MAP3K5: variants seen among roughly 807,000 people sequenced by gnomAD.
The protein encoded by MAP3K5 is ASK-1.
Under a neutral mutation model 158.7 loss-of-function variants are expected in MAP3K5, and 56 were observed. That is an observed-to-expected ratio of 0.35 (90% CI 0.28 to 0.44). MAP3K5 has a LOEUF of 0.44. Among genes scored for constraint, MAP3K5 ranks in the 20% least tolerant of loss-of-function variants. MAP3K5 has a pLI of 1.00. For missense variants in MAP3K5, 1,294 were observed against 1,674.8 expected, an observed-to-expected ratio of 0.77 and a Z score of 3.97; for synonymous variants, 579 against 601.7, an observed-to-expected ratio of 0.96 and a Z score of 0.55.
At chr6:136,588,945 G>A (rs117854182) in intron 23 of MAP3K5, among the ~76,000 whole-genome samples, 31 of 152,342 alleles carry the variant, frequency 2.0e-4, no homozygotes, top group Non-Finnish European at 3.1e-4. Context: ...GTTTTTGAGA[G>A]TGTGTAGAAA....
rs1250009415 is a variant in MAP3K5, at chr6:136,601,894, T to C, written c.2765A>G (p.Asp922Gly). 6.2e-7 allele frequency: 1 copy of C among 1,614,184 alleles called. No individual in the cohort carries two copies. Among genetic ancestry groups the C allele is most frequent in the East Asian group, 2.2e-5 (1 of 44,880 alleles). Reference protein sequence around the residue: ...KAFILKCFEPDPDKRACANDL... With the variant: ...KAFILKCFEPGPDKRACANDL... ...GTTAGCACAGGCTCTCTTGTCAGGATCTGGTTCAAAACATTTCAGTATGAA... is the reference window on the plus strand; with the variant it reads ...GTTAGCACAGGCTCTCTTGTCAGGACCTGGTTCAAAACATTTCAGTATGAA... Residue 922 changes from aspartate (D) to glycine (G), a missense_variant, in exon 20 of 30, where the codon GAT becomes GGT. Around this residue, in one of 5 missense-constraint regions of MAP3K5, gnomAD observed 362 missense variants for 463.2 expected, o/e 0.78. Transcript: ENST00000359015.
intron 18 of MAP3K5, among the ~76,000 whole-genome samples, chr6:136,606,560 G>A (rs114498763): frequency 1.2e-4 from 19 of 152,178 alleles, no homozygotes; most frequent in African/African-American, 4.3e-4. Context: ...TTTGAACTTC[G>A]AATACCCCAT....
At chr6:136,741,238 C>G (rs1200129796) in intron 1 of MAP3K5, among the ~76,000 whole-genome samples, 1 of 152,120 alleles carries the variant, frequency 6.6e-6, no homozygotes, top group Non-Finnish European at 1.5e-5. Context: ...CTGTTATTAG[C>G]TAGCACACGG....
chr6:136,698,370 T>TA (rs1780695859), intron 4 of MAP3K5, 119 bp downstream of exon 4: 3 of 739,102 alleles, frequency 4.1e-6, no homozygotes, highest in Admixed American at 3.0e-5. Flanking sequence ...AATAAACATT[T>TA]TCCCCCTAGT....
chr6:136,696,726 G>A (rs947015109), intron 5 of MAP3K5, among the ~76,000 whole-genome samples: 1 of 152,142 alleles, frequency 6.6e-6, no homozygotes, highest in Non-Finnish European at 1.5e-5. Context: ...TAACCTGTTA[G>A]TGTGTTTTAC....
intron 8 of MAP3K5, among the ~76,000 whole-genome samples, chr6:136,663,271 A>T (rs1779085111): frequency 6.6e-6 from 1 of 152,242 alleles, no homozygotes. Flanking sequence ...ATACATCAAA[A>T]TAAAACTACA....
At chr6:136,776,583 G>A (rs1784411769) in intron 1 of MAP3K5, among the ~76,000 whole-genome samples, 1 of 152,082 alleles carries the variant, frequency 6.6e-6, no homozygotes, top group Admixed American at 6.5e-5. Flanking sequence ...TTCACAAATG[G>A]GCACCAAATG....
intron 1 of MAP3K5, among the ~76,000 whole-genome samples, chr6:136,764,403 A>G (rs1014432364): frequency 1.3e-5 from 2 of 152,182 alleles, no homozygotes; most frequent in African/African-American, 4.8e-5. Flanking sequence ...GAACACAGAT[A>G]CCATGAGAGA....
At chr6:136,679,357 TGCTA>T (rs1264149933) in intron 7 of MAP3K5, among the ~76,000 whole-genome samples, 9 of 152,254 alleles carry the variant, frequency 5.9e-5, no homozygotes, top group African/African-American at 1.7e-4. Context: ...GTCAAGTTCT[TGCTA>T]TTTTTCCTTG....
intron 1 of MAP3K5, among the ~76,000 whole-genome samples, chr6:136,735,092 T>C (rs937960609): frequency 1.3e-5 from 2 of 152,242 alleles, no homozygotes; most frequent in East Asian, 1.9e-4. Flanking sequence ...AAAATGGCTA[T>C]GGTAGTTTAA....
intron 21 of MAP3K5, among the ~76,000 whole-genome samples, chr6:136,600,427 C>G (rs1415014766): frequency 6.6e-6 from 1 of 152,030 alleles, no homozygotes. Flanking sequence ...TTCCTGAGCT[C>G]AAGCAATCTG....
Position 136,792,129 on chromosome 6 carries a change from G to A in MAP3K5, c.29C>T (p.Thr10Ile), listed in dbSNP as rs1289985205. The change falls in exon 1 of 30, where the codon ACT becomes ATT. Residue 10 changes from threonine to isoleucine, a missense_variant. Around this residue, in one of 5 missense-constraint regions of MAP3K5, gnomAD observed 690 missense variants for 870.5 expected, o/e 0.79. Transcript: ENST00000359015. The surrounding 1 kb of genome is among the most constrained non-coding windows in gnomAD (Gnocchi z 5.7). The part of the protein sequence containing the change: MSTEADEGI[T>I]FSVPPFAPSG... ...GGGGGCGAAGGGTGGCACAGAGAAA[G>A]TGATGCCCTCGTCCGCCTCCGTGCT... 6.3e-7 allele frequency: 1 copy of A among 1,581,730 alleles called. No individual in the cohort carries two copies. Among genetic ancestry groups the A allele is most frequent in the Admixed American group, 1.8e-5 (1 of 55,786 alleles).
At chr6:136,786,978 G>A (rs1004598847) in intron 1 of MAP3K5, among the ~76,000 whole-genome samples, 1 of 151,832 alleles carries the variant, frequency 6.6e-6, no homozygotes, top group East Asian at 1.9e-4. Context: ...TGAGCTATTC[G>A]AACATCACTG....
chr6:136,628,021 T>G (rs1777125040), intron 14 of MAP3K5, among the ~76,000 whole-genome samples: 1 of 152,176 alleles, frequency 6.6e-6, no homozygotes, highest in Non-Finnish European at 1.5e-5. Context: ...TGATGAGAAC[T>G]TTTTTAGAAA....
chr6:136,620,631 T>C, intron 15 of MAP3K5, among the ~76,000 whole-genome samples: 1 of 152,196 alleles, frequency 6.6e-6, no homozygotes, highest in Non-Finnish European at 1.5e-5. Flanking sequence ...GCCCATGATG[T>C]AGCCCAGCAT....
chr6:136,697,835 C>G (rs1780669277), intron 4 of MAP3K5, among the ~76,000 whole-genome samples: 3 of 152,172 alleles, frequency 2.0e-5, no homozygotes, highest in Admixed American at 1.3e-4. Context: ...ACCTCCATCT[C>G]CTGGGTTCAA....
chr6:136,770,286 T>C (rs1216980854), intron 1 of MAP3K5, among the ~76,000 whole-genome samples: 1 of 152,158 alleles, frequency 6.6e-6, no homozygotes, highest in Non-Finnish European at 1.5e-5. Flanking sequence ...TACAGAACAG[T>C]GCACTGTTTA....
intron 25 of MAP3K5, among the ~76,000 whole-genome samples, chr6:136,576,241 T>C (rs1447646296): frequency 6.6e-6 from 1 of 152,204 alleles, no homozygotes; most frequent in Non-Finnish European, 1.5e-5. Context: ...AGGTTGGCTC[T>C]AGTGTCCTTT....
rs1395809028 is a variant in MAP3K5 at position 136,687,052 on chromosome 6, C to T, written c.1253+7088G>A. On this transcript the variant is annotated intron_variant, in intron 7 of 29. Transcript: ENST00000359015. Reference sequence around the variant, plus strand: ...TACAAGGCTACAGTAACCAAAACATCATGGTACTGATACCAAAACAGATAC... The same window carrying T: ...TACAAGGCTACAGTAACCAAAACATTATGGTACTGATACCAAAACAGATAC... Among the ~76,000 whole-genome samples, 10 of 152,182 alleles carry T rather than the reference C, an allele frequency of 6.6e-5. 1 individual carries two copies. Among genetic ancestry groups the T allele is most frequent in the Admixed American group, 6.5e-4 (10 of 15,270 alleles).
Sources: allele counts gnomAD v4.1 joint callset (sites outside exome capture counted in the v4.1 genomes callset), GRCh38; gene constraint gnomAD v4.1.1; regional missense constraint gnomAD v4.1.1; non-coding constraint Gnocchi (gnomAD v3.1); transcripts MANE v1.5; gene names NCBI Gene and HGNC (gene_info 2026-07-23, HGNC 2026-07-21).